The following NIPAL1 variants were observed in gnomAD, a reference collection of about 807,000 sequenced individuals.
NIPAL1 encodes magnesium transporter NIPA3.
A neutral mutation model predicts 37.7 loss-of-function variants in NIPAL1; 35 were observed. That is an observed-to-expected ratio of 0.93 (90% CI 0.71 to 1.23). The LOEUF (loss-of-function observed/expected upper bound fraction) is 1.23, where lower values mean the gene tolerates loss of function less well. Ranked by LOEUF, NIPAL1 falls within the 50% of genes most tolerant of loss-of-function variation. The pLI is 0.00. For synonymous variants in NIPAL1, 162 were observed against 183.0 expected (o/e 0.89, Z 0.93); for missense variants, 412 against 473.9 (o/e 0.87, Z 1.21).
intron 2 of NIPAL1, among the ~76,000 whole-genome samples, chr4:48,028,483 A>G (rs1419994243): frequency 2.6e-5 from 4 of 152,094 alleles, no homozygotes; most frequent in African/African-American, 7.2e-5. Flanking sequence ...TAGAAGAAAA[A>G]CTAGGAAAAA....
chr4:48,024,962 A>C (rs942540313), intron 1 of NIPAL1, 106 bp from the exon 2 acceptor site: 4 of 954,052 alleles, frequency 4.2e-6, no homozygotes, highest in Non-Finnish European at 6.4e-6. Flanking sequence ...CATGTAGTAA[A>C]ATGTTTCAGT....
chr4:48,033,987 G>T (rs1009372476), intron 4 of NIPAL1, among the ~76,000 whole-genome samples: 1 of 152,192 alleles, frequency 6.6e-6, no homozygotes, highest in African/African-American at 2.4e-5. Flanking sequence ...AGTCCTAAAG[G>T]TGGCCACATG....
intron 3 of NIPAL1, among the ~76,000 whole-genome samples, chr4:48,031,884 G>T (rs555199745): frequency 6.6e-6 from 1 of 151,954 alleles, no homozygotes; most frequent in East Asian, 1.9e-4. Flanking sequence ...GATTAAAAAC[G>T]CTTGCCACCA....
chr4:48,034,952 T>TC lies in NIPAL1; in HGVS notation c.533_534insC (p.Leu179IlefsTer21), dbSNP rs1715893933. 1.9e-6 allele frequency: 3 copies of TC among 1,611,892 alleles called. No individual in the cohort carries two copies. The highest frequency in any genetic ancestry group is 1.3e-5 in the African/African-American group (1 of 74,884). ...GGGAAAATAGGCTGCATATTAAGTA[T>TC]ATTGGGGTCAACTGTGATGGTTATC... On this transcript the variant is annotated frameshift_variant, in exon 5 of 6. Coordinates refer to ENST00000295461, the MANE Select transcript of NIPAL1 (RefSeq NM_207330.3). LOFTEE classifies it high-confidence loss of function.
At position 48,033,103 on chromosome 4, in the gene NIPAL1, C is replaced by T; in HGVS notation, c.461+20C>T. ...CATAAGGTATGTGAGCAACAGGGAA[C>T]TTGGCTTCTGTAGGTATTTTAAGAC... On this transcript the variant is annotated intron_variant, in intron 4 of 5. Coordinates refer to ENST00000295461, the MANE Select transcript of NIPAL1 (RefSeq NM_207330.3). The T allele has an allele frequency of 6.7e-7, 1 of 1,502,286 alleles. No homozygotes were observed. Among genetic ancestry groups the T allele is most frequent in the Non-Finnish European group, 9.2e-7 (1 of 1,081,338 alleles). 93.1% of individuals were successfully genotyped at this position (1,502,286 alleles called of 1,614,324 possible).
rs376826618 is a variant in NIPAL1, at chr4:48,034,934, T to C, written c.515T>C (p.Ile172Thr). 2.7e-5 allele frequency: 44 copies of C among 1,612,906 alleles called. No individual in the cohort carries two copies. In the South Asian group the frequency reaches 3.8e-4, roughly 14 times the overall value. The change falls in exon 5 of 6, where the codon ATA becomes ACA. Residue 172 changes from isoleucine to threonine, a missense_variant. Ile to Thr is a moderately conservative substitution (Grantham distance 89). Coordinates refer to ENST00000295461, the MANE Select transcript of NIPAL1 (RefSeq NM_207330.3). ...GAGCACTTGAACATTCATGGGAAAATAGGCTGCATATTAAGTATATTGGGG... is the reference window on the plus strand; with the variant it reads ...GAGCACTTGAACATTCATGGGAAAACAGGCTGCATATTAAGTATATTGGGG... ...LNEHLNIHGKIGCILSILGST... is the reference protein window; with the variant it reads ...LNEHLNIHGKTGCILSILGST...
At position 48,025,335 on chromosome 4, in the gene NIPAL1, G is replaced by A. The variant is rs761622234; in HGVS notation, c.313+1G>A. ...GCCAGCAAGGGCTTTACTAGAGCTG[G>A]TAAGAAACACATGCAACTAATGAAT... On this transcript the variant is annotated splice_donor_variant, in intron 2 of 5. Transcript: ENST00000295461. LOFTEE classifies it high-confidence loss of function. 3.1e-6 allele frequency: 5 copies of A among 1,612,802 alleles called. No homozygotes were observed. The highest frequency in any genetic ancestry group is 1.1e-5 in the South Asian group (1 of 90,904).
chr4:48,025,631 C>T (rs1410317479), intron 2 of NIPAL1, among the ~76,000 whole-genome samples: 1 of 152,158 alleles, frequency 6.6e-6, no homozygotes, highest in African/African-American at 2.4e-5. Flanking sequence ...CCAAACACTG[C>T]TAGGGAAGGT....
chr4:48,032,144 G>C (rs191491699), intron 3 of NIPAL1, among the ~76,000 whole-genome samples: 1 of 152,292 alleles, frequency 6.6e-6, no homozygotes, highest in African/African-American at 2.4e-5. Context: ...ATAGATTTGG[G>C]GGGATGTAGC....
intron 1 of NIPAL1, among the ~76,000 whole-genome samples, chr4:48,019,977 T>A (rs1474517208): frequency 1.3e-5 from 2 of 152,216 alleles, no homozygotes; most frequent in African/African-American, 2.4e-5. Context: ...AAAAATATAT[T>A]CCTTGATGCT....
At chr4:48,024,988 C>T in intron 1 of NIPAL1, 80 bp from the exon 2 acceptor site, 5 of 1,272,312 alleles carry the variant, frequency 3.9e-6, no homozygotes, top group Non-Finnish European at 5.6e-6. Flanking sequence ...CCACTCAAGG[C>T]TCTGTTTCCT....
At position 48,039,803 on chromosome 4, in the gene NIPAL1, A is replaced by G. The variant is rs1453114961; in HGVS notation, c.*3631A>G. The G allele has an allele frequency of 6.6e-6, 1 of 152,238 alleles. No homozygotes were observed. The highest frequency in any genetic ancestry group is 2.4e-5 in the African/African-American group (1 of 41,464). 9.4% of individuals were successfully genotyped at this position (152,238 alleles called of 1,614,324 possible). A position where few individuals can be genotyped will look rare whatever the true frequency, so the allele number is the denominator to read the frequency against. On this transcript the variant is annotated 3_prime_UTR_variant, in exon 6 of 6. Transcript: ENST00000295461. ...ACATTTGAATTCTTACAGTCTTGTC[A>G]CTAGAGACTTAAAAGGACCATTGAG... is the stretch of plus-strand genomic sequence containing the variant.
Position 48,038,677 on chromosome 4 carries a change from T to G in NIPAL1, c.*2505T>G, listed in dbSNP as rs780014523. 1 of 152,182 alleles carries G rather than the reference T, an allele frequency of 6.6e-6. No homozygotes were observed. The highest frequency in any genetic ancestry group is 1.5e-5 in the Non-Finnish European group (1 of 68,036). The allele number at this position is 152,182 out of a possible 1,614,324, so 9.4% of individuals were successfully genotyped here. ...ATTTTAATATTTTTTCTTTTAATAT[T>G]AAGAACTTTATTGATCTCTCTAGGA... On this transcript the variant is annotated 3_prime_UTR_variant, in exon 6 of 6. Coordinates refer to ENST00000295461, the MANE Select transcript of NIPAL1 (RefSeq NM_207330.3).
At chr4:48,032,122 G>A (rs1278413118) in intron 3 of NIPAL1, among the ~76,000 whole-genome samples, 1 of 152,130 alleles carries the variant, frequency 6.6e-6, no homozygotes, top group Non-Finnish European at 1.5e-5. Flanking sequence ...TTTCCTAATG[G>A]TGAATACTCC....
At chr4:48,031,656 CGTT>C (rs1715821847) in intron 3 of NIPAL1, among the ~76,000 whole-genome samples, 2 of 152,062 alleles carry the variant, frequency 1.3e-5, no homozygotes, top group Admixed American at 1.3e-4. Context: ...ATCATGAAGT[CGTT>C]GTTTTCCTGG....
intron 2 of NIPAL1, 42 bp from the exon 3 acceptor site, chr4:48,030,078 G>A (rs1163743351): frequency 1.6e-6 from 2 of 1,228,680 alleles, no homozygotes; most frequent in Non-Finnish European, 2.4e-6. Flanking sequence ...TTCCTCCAGT[G>A]TAGAACCCAT....
chr4:48,029,914 A>T lies in NIPAL1; in HGVS notation c.314-206A>T, dbSNP rs150949326. On this transcript the variant is annotated intron_variant, in intron 2 of 5. Coordinates refer to ENST00000295461, the MANE Select transcript of NIPAL1 (RefSeq NM_207330.3). Reference sequence around the variant, plus strand: ...AAAATCTAAATGCAATTAATCCATTAGGGGATTTGTTAAATCATTGTAAAT... The same window carrying T: ...AAAATCTAAATGCAATTAATCCATTTGGGGATTTGTTAAATCATTGTAAAT... Among the ~76,000 whole-genome samples the T allele has an allele frequency of 5.5e-3, 842 of 152,312 alleles. 4 individuals carry two copies. The highest frequency in any genetic ancestry group is 8.7e-3 in the Non-Finnish European group (590 of 68,010).
intron 2 of NIPAL1, among the ~76,000 whole-genome samples, chr4:48,026,875 C>T (rs772528749): frequency 2.0e-5 from 3 of 151,984 alleles, no homozygotes; most frequent in South Asian, 2.1e-4. Context: ...TGCACCATCA[C>T]GCCCAGCTAA....
At chr4:48,020,334 C>T (rs917669921) in intron 1 of NIPAL1, among the ~76,000 whole-genome samples, 1 of 152,096 alleles carries the variant, frequency 6.6e-6, no homozygotes, top group Non-Finnish European at 1.5e-5. Flanking sequence ...AGTATTAAGC[C>T]AGGGAGTGAT....
Sources: allele counts gnomAD v4.1 joint callset (sites outside exome capture counted in the v4.1 genomes callset), GRCh38; gene constraint gnomAD v4.1.1; transcripts MANE v1.5; gene names NCBI Gene and HGNC (gene_info 2026-07-23, HGNC 2026-07-21).